EML6: variants seen among roughly 807,000 people sequenced by gnomAD.
EML6 encodes EMAP like 6.
A neutral mutation model predicts 240.1 loss-of-function variants in EML6; 154 were observed. The observed-to-expected ratio is 0.64, with a 90% confidence interval of 0.56 to 0.73. The LOEUF is 0.73. Among genes scored for constraint, EML6 ranks in the 30% least tolerant of loss-of-function variants. EML6 has a pLI of 0.00. For missense variants in EML6, 2,964 were observed against 2,474.6 expected (o/e 1.20, Z -4.20); for synonymous variants, 1,148 against 899.0 (o/e 1.28, Z -4.95).
chr2:54,736,346 C>G (rs772629893), intron 2 of EML6, among the ~76,000 whole-genome samples: 7 of 152,180 alleles, frequency 4.6e-5, no homozygotes, highest in Non-Finnish European at 1.0e-4. Context: ...GAAGAGGGAG[C>G]GTGGCATTGT....
At chr2:54,890,750 C>T (rs939338273) in intron 17 of EML6, among the ~76,000 whole-genome samples, 12 of 152,192 alleles carry the variant, frequency 7.9e-5, no homozygotes, top group African/African-American at 2.9e-4. Context: ...TGCAACCCCA[C>T]AGTGGTGGCA....
chr2:54,899,364 G>A (rs527962904), intron 21 of EML6, among the ~76,000 whole-genome samples: 1 of 152,316 alleles, frequency 6.6e-6, no homozygotes, highest in Non-Finnish European at 1.5e-5. Flanking sequence ...TAAATGGAAA[G>A]ATGTTTGGCA....
intron 28 of EML6, among the ~76,000 whole-genome samples, chr2:54,932,850 C>T (rs1242656588): frequency 3.9e-5 from 6 of 152,162 alleles, no homozygotes; most frequent in South Asian, 2.1e-4. Flanking sequence ...TTTCTTTTCA[C>T]GTTACCAAAG....
chr2:54,727,604 T>C (rs1174588311), intron 2 of EML6, among the ~76,000 whole-genome samples: 4 of 152,236 alleles, frequency 2.6e-5, no homozygotes, highest in African/African-American at 9.6e-5. Context: ...AAGTTTGTTA[T>C]TAAATGGAGA....
intron 26 of EML6, among the ~76,000 whole-genome samples, 154 bp downstream of exon 26, chr2:54,917,089 T>A (rs1424962654): frequency 6.6e-6 from 1 of 152,206 alleles, no homozygotes; most frequent in African/African-American, 2.4e-5. Flanking sequence ...ACATTGTGTT[T>A]GAGTGACTAA....
intron 28 of EML6, among the ~76,000 whole-genome samples, chr2:54,930,945 G>A (rs11689620): frequency 0.27 from 38,849 of 146,318 alleles, 6,364 homozygotes; most frequent in East Asian, 0.54. Context: ...AGATCAGACC[G>A]TAGGCATCTT....
At chr2:54,864,288 G>A (rs566104308) in intron 13 of EML6, among the ~76,000 whole-genome samples, 55 of 152,224 alleles carry the variant, frequency 3.6e-4, no homozygotes, top group Non-Finnish European at 5.3e-4. Context: ...GTTTGCATGT[G>A]AGCTTGTTAG....
intron 2 of EML6, among the ~76,000 whole-genome samples, chr2:54,812,500 C>A (rs926746348): frequency 2.7e-5 from 4 of 147,034 alleles, no homozygotes; most frequent in Non-Finnish European, 6.0e-5. Flanking sequence ...AACGCCTATA[C>A]ACAATGAATT....
At chr2:54,765,454 C>CTTTTAT (rs1392531411) in intron 2 of EML6, among the ~76,000 whole-genome samples, 6 of 152,052 alleles carry the variant, frequency 3.9e-5, no homozygotes, top group Non-Finnish European at 8.8e-5. Context: ...TTTATGCATT[C>CTTTTAT]TTTTATTTTT....
chr2:54,934,803 T>G (rs1573175499), intron 28 of EML6, among the ~76,000 whole-genome samples: 1 of 152,180 alleles, frequency 6.6e-6, no homozygotes, highest in African/African-American at 2.4e-5. Flanking sequence ...TCTTACACCT[T>G]GGCCTCCCAA....
chr2:54,915,111 A>G (rs1352842487), intron 25 of EML6, among the ~76,000 whole-genome samples: 1 of 152,160 alleles, frequency 6.6e-6, no homozygotes, highest in East Asian at 1.9e-4. Flanking sequence ...ATTTTCAACA[A>G]GTTTATTTAA....
Position 54,970,296 on chromosome 2 carries a change from G to C in EML6, c.*201G>C. 1.6e-6 allele frequency: 1 copy of C among 609,994 alleles called. No homozygotes were observed. The highest frequency in any genetic ancestry group is 2.8e-5 in the East Asian group (1 of 35,810). The allele number at this position is 609,994 out of a possible 1,614,324, so 37.8% of individuals were successfully genotyped here. On this transcript the variant is annotated 3_prime_UTR_variant, in exon 42 of 42. Transcript: ENST00000356458. ...CAAAACCGTGATGCCACGAAGGAAG[G>C]TCAAGTTTTAAAATGTTAAAGACTG...
At chr2:54,886,842 T>C (rs148203181) in intron 17 of EML6, among the ~76,000 whole-genome samples, 1 of 152,224 alleles carries the variant, frequency 6.6e-6, no homozygotes, top group Non-Finnish European at 1.5e-5. Flanking sequence ...TCACCCATGT[T>C]CAAGTTTTTA....
rs200624325 is a variant in EML6, at chr2:54,853,711, G to C, written c.1513G>C (p.Gly505Arg). Residue 505 changes from glycine to arginine, a missense_variant, in exon 11 of 42, where the codon GGC becomes CGC. Physicochemically the swap from Gly to Arg is moderately radical, Grantham distance 125. Coordinates refer to ENST00000356458, the MANE Select transcript of EML6 (RefSeq NM_001039753.4). ...TTGGGCCTCCTGGACATGCGTGAAA[G>C]GCCCTGAAGTGAGTGGAATTTGGCC... ...IPWASWTCVK[G>R]PEVSGIWPKY... 6.4e-7 allele frequency: 1 copy of C among 1,551,108 alleles called. No homozygotes were observed. The highest frequency in any genetic ancestry group is 8.7e-7 in the Non-Finnish European group (1 of 1,146,716).
intron 19 of EML6, among the ~76,000 whole-genome samples, chr2:54,893,252 C>T (rs1457257902): frequency 1.3e-5 from 2 of 152,118 alleles, no homozygotes; most frequent in African/African-American, 4.8e-5. Context: ...TCTGTTTTTG[C>T]TGCTGTAACA....
intron 9 of EML6, among the ~76,000 whole-genome samples, chr2:54,849,419 T>C (rs986200695): frequency 1.3e-5 from 2 of 152,322 alleles, no homozygotes; most frequent in Middle Eastern, 3.4e-3. Context: ...ATCACAAATA[T>C]GCACTTAATT....
intron 18 of EML6, among the ~76,000 whole-genome samples, chr2:54,892,170 G>A (rs1407847452): frequency 1.3e-5 from 2 of 152,156 alleles, no homozygotes; most frequent in Non-Finnish European, 2.9e-5. Context: ...GCTCTCTCCA[G>A]CCAGACTCTG....
At chr2:54,938,873 C>T (rs1184722308) in intron 28 of EML6, among the ~76,000 whole-genome samples, 2 of 152,168 alleles carry the variant, frequency 1.3e-5, no homozygotes, top group Non-Finnish European at 2.9e-5. Flanking sequence ...CGTATTATCT[C>T]ATTTCTGTTG....
At chr2:54,762,024 T>G (rs919155404) in intron 2 of EML6, among the ~76,000 whole-genome samples, 2 of 152,208 alleles carry the variant, frequency 1.3e-5, no homozygotes, top group African/African-American at 2.4e-5. Context: ...TGCTCTATAT[T>G]CTTCTTTAGT....
Sources: gnomAD v4.1 joint callset for allele counts (sites outside exome capture counted in the v4.1 genomes callset) on GRCh38, gnomAD v4.1.1 for gene constraint, MANE v1.5 for transcripts, NCBI Gene and HGNC (gene_info 2026-07-23, HGNC 2026-07-21) for gene names.